MCM5: variants seen among roughly 807,000 people sequenced by gnomAD.
MCM5 encodes minichromosome maintenance complex component 5.
In MCM5, 46 loss-of-function variants were observed where a neutral mutation model predicts 79.9. The observed-to-expected ratio is 0.58, with a 90% CI of 0.45 to 0.74. MCM5 has a LOEUF of 0.74. Ranked by LOEUF, MCM5 falls within the 30% of genes least tolerant of loss-of-function variation. MCM5 has a pLI of 0.00. For synonymous variants in MCM5, 404 were observed against 390.5 expected (o/e 1.03, Z -0.41); for missense variants, 883 against 1,017.0 (o/e 0.87, Z 1.79).
At chr22:35,437,467 A>C in the MCM5 span, among the ~76,000 whole-genome samples, 1 of 152,218 alleles carries the variant, frequency 6.6e-6, no homozygotes, top group Non-Finnish European at 1.5e-5. Flanking sequence ...ACACTGAGGA[A>C]ACAGCTGAGA....
At chr22:35,438,253 ACCCACCCACCCACCCACCCACATATTCAT>A in the MCM5 span, among the ~76,000 whole-genome samples, 1 of 7,320 alleles carries the variant, frequency 1.4e-4, no homozygotes, top group Non-Finnish European at 3.1e-4. Flanking sequence ...ATATTCATCC[ACCCACCCACCCACCCACCCACATATTCAT>A]CCGTCCATCC....
chr22:35,449,653 T>C, the MCM5 span, among the ~76,000 whole-genome samples: 3 of 152,136 alleles, frequency 2.0e-5, no homozygotes, highest in African/African-American at 7.2e-5. Context: ...CCCCCGCCCA[T>C]GCTGACATGT....
At chr22:35,421,834 G>C in intron 15 of MCM5, 1 of 347,322 alleles carries the variant, frequency 2.9e-6, no homozygotes, top group Non-Finnish European at 5.7e-6. Flanking sequence ...CTGGAAGCCA[G>C]GTGAGCAGTC....
the MCM5 span, among the ~76,000 whole-genome samples, chr22:35,445,885 C>T: frequency 6.6e-6 from 1 of 152,070 alleles, no homozygotes; most frequent in Non-Finnish European, 1.5e-5. Flanking sequence ...TTCCTGATAC[C>T]CGATACTCAG....
At chr22:35,404,430 C>T (rs1451709527) in intron 4 of MCM5, among the ~76,000 whole-genome samples, 3 of 152,218 alleles carry the variant, frequency 2.0e-5, no homozygotes, top group Non-Finnish European at 4.4e-5. Context: ...GTAGAATGTG[C>T]TGCCTTTTAG....
In MCM5 at chr22:35,414,130, C is replaced by T. The variant is rs762299489; in HGVS notation, c.1203+144C>T. On this transcript the variant is annotated intron_variant, in intron 9 of 16. Transcript: ENST00000216122. Reference sequence around the variant, plus strand: ...TTCTCTTGGCTGCGGTCAGGATGGCCGAGGAGATGGGAGGAAGAAGGGAGC... The same window carrying T: ...TTCTCTTGGCTGCGGTCAGGATGGCTGAGGAGATGGGAGGAAGAAGGGAGC... 2.9e-5 allele frequency: 18 copies of T among 618,624 alleles called. No individual in the cohort carries two copies. In the Admixed American group the frequency reaches 3.5e-4, roughly 12 times the overall value. The allele number at this position is 618,624 out of a possible 1,614,324, so 38.3% of individuals were successfully genotyped here. A position where few individuals can be genotyped will look rare whatever the true frequency, so the allele number is the denominator to read the frequency against.
the MCM5 span, among the ~76,000 whole-genome samples, chr22:35,452,865 G>C: frequency 6.6e-6 from 1 of 152,112 alleles, no homozygotes; most frequent in Non-Finnish European, 1.5e-5. Flanking sequence ...TGTGTGTCCC[G>C]TCCGCCTTGC....
At chr22:35,420,623 T>C (rs1932670237) in intron 14 of MCM5, among the ~76,000 whole-genome samples, 1 of 152,206 alleles carries the variant, frequency 6.6e-6, no homozygotes, top group Non-Finnish European at 1.5e-5. Flanking sequence ...TCCCCCTTAC[T>C]CTTAGTCCGA....
chr22:35,431,596 T>A, the MCM5 span, among the ~76,000 whole-genome samples: 13 of 152,148 alleles, frequency 8.5e-5, no homozygotes, highest in Non-Finnish European at 1.8e-4. Flanking sequence ...CCTCCTGATA[T>A]AGGACTCATC....
At chr22:35,417,938 C>T (rs533288783) in intron 13 of MCM5, 82 bp downstream of exon 13, 24 of 921,404 alleles carry the variant, frequency 2.6e-5, no homozygotes, top group Non-Finnish European at 3.9e-5. Flanking sequence ...TGGTCCTGCT[C>T]CTCCTCATGA....
chr22:35,453,099 C>A, the MCM5 span, among the ~76,000 whole-genome samples: 1 of 152,146 alleles, frequency 6.6e-6, no homozygotes, highest in African/African-American at 2.4e-5. Flanking sequence ...CTCTCACTGG[C>A]CACTTCCTCC....
At chr22:35,434,321 C>T in the MCM5 span, among the ~76,000 whole-genome samples, 2 of 151,920 alleles carry the variant, frequency 1.3e-5, no homozygotes, top group Non-Finnish European at 2.9e-5. Flanking sequence ...TGTCACTGAA[C>T]CCTGATGATA....
intron 15 of MCM5, chr22:35,422,651 G>A (rs1569071131): frequency 1.3e-5 from 2 of 152,218 alleles, no homozygotes; most frequent in African/African-American, 4.8e-5. Context: ...GGGCTATGTA[G>A]GAGTTTGCCT....
the MCM5 span, among the ~76,000 whole-genome samples, chr22:35,436,896 G>GCTCC: frequency 2.1e-5 from 1 of 47,488 alleles, no homozygotes; most frequent in African/African-American, 3.9e-5. Context: ...GCCAGGGGGA[G>GCTCC]AGTCAGTTCG....
chr22:35,443,218 G>T, the MCM5 span, among the ~76,000 whole-genome samples: 1 of 152,078 alleles, frequency 6.6e-6, no homozygotes, highest in Non-Finnish European at 1.5e-5. Flanking sequence ...ATGGAATCTC[G>T]ATCTGTCACC....
At chr22:35,407,398 C>T (rs1237673434) in intron 5 of MCM5, among the ~76,000 whole-genome samples, 1 of 152,150 alleles carries the variant, frequency 6.6e-6, no homozygotes, top group Non-Finnish European at 1.5e-5. Context: ...AGTCTGTTTT[C>T]CACCCAGCAG....
Position 35,408,440 on chromosome 22 carries a change from A to C in MCM5, c.629A>C (p.Asp210Ala), listed in dbSNP as rs1352901450. The C allele has an allele frequency of 6.2e-7, 1 of 1,614,032 alleles. No homozygotes were observed. The highest frequency in any genetic ancestry group is 1.3e-5 in the African/African-American group (1 of 74,922). ...GCTGGGCGCCCCAAATGCCCATTGGACCCGTACTTCATCATGCCCGACAAA... is the reference window on the plus strand; with the variant it reads ...GCTGGGCGCCCCAAATGCCCATTGGCCCCGTACTTCATCATGCCCGACAAA... ...DQAGRPKCPL[D>A]PYFIMPDKCK... The change falls in exon 6 of 17, where the codon GAC becomes GCC. Residue 210 changes from aspartate to alanine, a missense_variant. Physicochemically the swap from Asp to Ala is moderately radical, Grantham distance 126. Around this residue, in one of 3 missense-constraint regions of MCM5, gnomAD observed 455 missense variants for 517.5 expected, o/e 0.88. Coordinates refer to ENST00000216122, the MANE Select transcript of MCM5 (RefSeq NM_006739.4).
In MCM5 at chr22:35,410,777, G is replaced by A; in HGVS notation, c.786G>A (p.Arg262=). 1 of 1,614,094 alleles carries A rather than the reference G, an allele frequency of 6.2e-7. No homozygotes were observed. Among genetic ancestry groups the A allele is most frequent in the Non-Finnish European group, 8.5e-7 (1 of 1,179,986 alleles). ...GTGACAAGGTCGTCCCTGGGAACAGGGTTACCATCATGGGCATCTACTCCA... is the reference window on the plus strand; with the variant it reads ...GTGACAAGGTCGTCCCTGGGAACAGAGTTACCATCATGGGCATCTACTCCA... The part of the protein sequence containing the change: ...YLCDKVVPGN[R]VTIMGIYSIK... Residue 262 remains arginine, a synonymous_variant, in exon 7 of 17, where the codon AGG becomes AGA. Transcript: ENST00000216122.
chr22:35,414,197 G>A lies in MCM5; in HGVS notation c.1203+211G>A, dbSNP rs1932472181. 3.9e-5 allele frequency among the ~76,000 whole-genome samples: 6 copies of A among 152,324 alleles called. No homozygotes were observed. In the South Asian group the frequency reaches 1.2e-3, roughly 32 times the overall value. On this transcript the variant is annotated intron_variant, in intron 9 of 16. Transcript: ENST00000216122. ...GTTTGGGGCAGGGGGCGAGTACACT[G>A]TACTGAGAGTCAGGATGGGGTTTGG...
Sources: gnomAD v4.1 joint callset for allele counts (sites outside exome capture counted in the v4.1 genomes callset) on GRCh38, gnomAD v4.1.1 for gene constraint, gnomAD v4.1.1 regional missense constraint, MANE v1.5 for transcripts, NCBI Gene and HGNC (gene_info 2026-07-23, HGNC 2026-07-21) for gene names.